TCF12: variants seen among roughly 807,000 people sequenced by gnomAD.
TCF12 encodes transcription factor 12.
A neutral mutation model predicts 86.0 loss-of-function variants in TCF12; 45 were observed. The ratio of observed to expected loss-of-function variants is 0.52; its 90% CI spans 0.41 to 0.67. The LOEUF is 0.67. Among genes scored for constraint, TCF12 ranks in the 30% least tolerant of loss-of-function variants. The pLI is 0.00. For missense variants in TCF12, 881 were observed against 859.9 expected, an observed-to-expected ratio of 1.02 and a Z score of -0.31; for synonymous variants, 330 against 299.6, an observed-to-expected ratio of 1.10 and a Z score of -1.05.
intron 3 of TCF12, among the ~76,000 whole-genome samples, chr15:56,980,767 A>C (rs1243170058): frequency 2.0e-5 from 3 of 152,084 alleles, no homozygotes; most frequent in Admixed American, 6.6e-5. Context: ...GATTTTGTTC[A>C]TTCTGCTAGT....
intron 5 of TCF12, among the ~76,000 whole-genome samples, chr15:57,106,354 T>G (rs969621158): frequency 3.9e-5 from 6 of 152,204 alleles, no homozygotes; most frequent in African/African-American, 1.4e-4. Context: ...GGATGAAAAG[T>G]ACATGGGAAT....
At chr15:56,922,591 G>A (rs1015406565) in intron 3 of TCF12, among the ~76,000 whole-genome samples, 8 of 151,940 alleles carry the variant, frequency 5.3e-5, no homozygotes, top group African/African-American at 9.7e-5. Context: ...TCTACATTGC[G>A]AATGGTCACC....
At chr15:56,974,919 T>C (rs1192689900) in intron 3 of TCF12, among the ~76,000 whole-genome samples, 1 of 152,164 alleles carries the variant, frequency 6.6e-6, no homozygotes, top group Non-Finnish European at 1.5e-5. Flanking sequence ...TCTTTGCTTT[T>C]GTAGTTAAGC....
chr15:57,039,093 G>A lies in TCF12; in HGVS notation c.149-24657G>A, dbSNP rs188809372. 1.3e-5 allele frequency among the ~76,000 whole-genome samples: 2 copies of A among 152,148 alleles called. 1 individual carries two copies. Among genetic ancestry groups the A allele is most frequent in the Admixed American group, 1.3e-4 (2 of 15,272 alleles). ...AGACTGCTTGGTGTATCTCCATTCC[G>A]TACCATTAATTCACAAAAACTTAGA... On this transcript the variant is annotated intron_variant, in intron 3 of 20. Transcript: ENST00000333725.
chr15:57,192,146 C>T lies in TCF12; in HGVS notation c.391-12C>T. On this transcript the variant is annotated splice_polypyrimidine_tract_variant and intron_variant, in intron 6 of 20. Coordinates refer to ENST00000333725, the MANE Select transcript of TCF12 (RefSeq NM_207037.2). ...CAGGAAAATAACTTGTTTCCTTGGC[C>T]TTATTTTATAGTCTAGTCTCCTGAG... 1 of 1,612,166 alleles carries T rather than the reference C, an allele frequency of 6.2e-7. No homozygotes were observed. Among genetic ancestry groups the T allele is most frequent in the Non-Finnish European group, 8.5e-7 (1 of 1,179,622 alleles).
At chr15:57,041,515 T>C (rs2066894879) in intron 3 of TCF12, among the ~76,000 whole-genome samples, 1 of 152,208 alleles carries the variant, frequency 6.6e-6, no homozygotes, top group Admixed American at 6.5e-5. Context: ...AATTTTATAA[T>C]GTGTATATAC....
At position 57,154,036 on chromosome 15, in the gene TCF12, G is replaced by A. The variant is rs12593077; in HGVS notation, c.326-12366G>A. ...GAAAAGAAAAAAGAAGTTTGAGAAA[G>A]ATAAAAGAACAAACAACAAATGAGA... On this transcript the variant is annotated intron_variant, in intron 5 of 20. Transcript: ENST00000333725. Among the ~76,000 whole-genome samples, 475 of 151,094 alleles carry A rather than the reference G, an allele frequency of 3.1e-3. 10 individuals are homozygous for A. The highest frequency in any genetic ancestry group is 0.027 in the Admixed American group (402 of 15,142).
In TCF12 at chr15:57,166,408, C is replaced by T; in HGVS notation, c.332C>T (p.Thr111Ile). 3.7e-6 allele frequency: 6 copies of T among 1,610,964 alleles called. No homozygotes were observed. Among genetic ancestry groups the T allele is most frequent in the Non-Finnish European group, 5.1e-6 (6 of 1,178,822 alleles). Residue 111 changes from threonine to isoleucine, a missense_variant, in exon 6 of 21, where the codon ACA becomes ATA. Around this residue, in one of 3 missense-constraint regions of TCF12, gnomAD observed 766 missense variants for 718.9 expected, o/e 1.07. Coordinates refer to ENST00000333725, the MANE Select transcript of TCF12 (RefSeq NM_207037.2). The stretch of plus-strand genomic sequence containing the variant: ...TAATTTCTTTGTTTTATAGGAAAAA[C>T]ATCAGAGAGAGGCTCATTTTCCCTG... The part of the protein sequence containing the change: ...PFMNSNLMGK[T>I]SERGSFSLYS...
At chr15:57,109,019 TTTTG>T (rs1400980952) in intron 5 of TCF12, among the ~76,000 whole-genome samples, 5 of 152,206 alleles carry the variant, frequency 3.3e-5, no homozygotes, top group Admixed American at 1.3e-4. Context: ...ACAGGTGTTT[TTTTG>T]TTTGTTTGTT....
At chr15:57,254,048 A>G (rs148578765) in intron 16 of TCF12, among the ~76,000 whole-genome samples, 2,249 of 152,324 alleles carry the variant, frequency 0.015, 20 homozygotes, top group Non-Finnish European at 0.024. Context: ...AGCCATACAC[A>G]TCAAAAATTC....
At chr15:57,072,775 G>T (rs1170773672) in intron 4 of TCF12, 6 of 1,135,698 alleles carry the variant, frequency 5.3e-6, no homozygotes, top group Non-Finnish European at 1.1e-6. Flanking sequence ...TTATGTAACT[G>T]CTCCTTCTGA....
intron 6 of TCF12, among the ~76,000 whole-genome samples, chr15:57,180,337 CA>C (rs1160222082): frequency 6.7e-6 from 1 of 148,384 alleles, no homozygotes; most frequent in African/African-American, 2.6e-5. Flanking sequence ...ACAGCTAAAA[CA>C]CAATGATTTT....
Position 57,197,809 on chromosome 15 carries a change from C to T in TCF12, c.563C>T (p.Pro188Leu), listed in dbSNP as rs140167839. ...GCAAAAAAAGTCAGAAAGGTGCCTC[C>T]TGGTTTGCCTTCTTCTGTAAGTACC... ...LQAKKVRKVP[P>L]GLPSSVYAPS... The change falls in exon 8 of 21, where the codon CCT (proline) becomes CTT (leucine). Residue 188 changes from proline to leucine, a missense_variant. Coordinates refer to ENST00000333725, the MANE Select transcript of TCF12 (RefSeq NM_207037.2). 1.2e-6 allele frequency: 2 copies of T among 1,613,884 alleles called. No homozygotes were observed. The highest frequency in any genetic ancestry group is 1.3e-5 in the African/African-American group (1 of 74,934).
chr15:57,148,469 C>G (rs1173928654), intron 5 of TCF12, among the ~76,000 whole-genome samples: 1 of 150,458 alleles, frequency 6.6e-6, no homozygotes, highest in Non-Finnish European at 1.5e-5. Flanking sequence ...GACAAAAGAA[C>G]AATTCATACA....
intron 5 of TCF12, among the ~76,000 whole-genome samples, chr15:57,119,084 C>T (rs1486998330): frequency 6.6e-6 from 1 of 151,910 alleles, no homozygotes; most frequent in Non-Finnish European, 1.5e-5. Flanking sequence ...TGCCTACCCT[C>T]ACAGGTTTTC....
intron 8 of TCF12, among the ~76,000 whole-genome samples, chr15:57,225,220 C>CT (rs139530756): frequency 0.11 from 4,448 of 39,726 alleles, 1,146 homozygotes; most frequent in East Asian, 0.21. Context: ...CTGATATATG[C>CT]TTTTTTTTTT....
intron 6 of TCF12, among the ~76,000 whole-genome samples, chr15:57,170,694 ATAT>A (rs1567558439): frequency 2.1e-3 from 4 of 1,870 alleles, no homozygotes; most frequent in South Asian, 0.022. Flanking sequence ...TATATAATAT[ATAT>A]TATATATAAT....
rs542078828 is a variant in TCF12 at position 57,188,983 on chromosome 15, C to T, written c.391-3175C>T. 2.6e-5 allele frequency among the ~76,000 whole-genome samples: 4 copies of T among 152,202 alleles called. No homozygotes were observed. In the South Asian group the frequency reaches 6.2e-4, roughly 24 times the overall value. ...TTTTAATTTTTTGTAGAGATGGGAC[C>T]GCCCTATGTGGCCCAGGCTTGTCTT... On this transcript the variant is annotated intron_variant, in intron 6 of 20. Transcript: ENST00000333725.
chr15:56,951,906 C>T lies in TCF12; in HGVS notation c.148+30808C>T, dbSNP rs142002475. Among the ~76,000 whole-genome samples, 12 of 152,298 alleles carry T rather than the reference C, an allele frequency of 7.9e-5. No homozygotes were observed. In the East Asian group the frequency reaches 2.3e-3, roughly 29 times the overall value. On this transcript the variant is annotated intron_variant, in intron 3 of 20. Transcript: ENST00000333725. ...CAGAGGATTCTCCCACCATGGGCTT[C>T]CAAAGTGCTGGGATTACGGGTGCCA...
Sources: allele counts gnomAD v4.1 joint callset (sites outside exome capture counted in the v4.1 genomes callset), GRCh38; gene constraint gnomAD v4.1.1; regional missense constraint gnomAD v4.1.1; transcripts MANE v1.5; gene names NCBI Gene and HGNC (gene_info 2026-07-23, HGNC 2026-07-21).